Variants in ADAM18 observed in about 807,000 individuals in gnomAD.
ADAM18 encodes the protein disintegrin and metalloproteinase domain-containing protein 18.
In ADAM18, 117 loss-of-function variants were observed where a neutral mutation model predicts 94.4. The observed-to-expected ratio is 1.24, with a 90% CI of 1.07 to 1.45. ADAM18 has a LOEUF of 1.45. ADAM18 is among the 40% of genes most tolerant of loss of function. The pLI is 0.00. For missense variants in ADAM18, 936 were observed against 880.0 expected, an observed-to-expected ratio of 1.06 and a Z score of -0.81; for synonymous variants, 327 against 291.6, an observed-to-expected ratio of 1.12 and a Z score of -1.24.
At chr8:39,655,320 T>C (rs1261288030) in intron 12 of ADAM18, among the ~76,000 whole-genome samples, 1 of 152,172 alleles carries the variant, frequency 6.6e-6, no homozygotes, top group Non-Finnish European at 1.5e-5. Context: ...GATATATCCA[T>C]ATTTCTCATG....
At chr8:39,647,234 C>A (rs866768375) in intron 11 of ADAM18, among the ~76,000 whole-genome samples, 195 of 130,016 alleles carry the variant, frequency 1.5e-3, no homozygotes, top group East Asian at 2.7e-3. Flanking sequence ...AGAAAGTCAG[C>A]AAAAAAAAAA....
chr8:39,702,735 T>C (rs1822121454), intron 17 of ADAM18, among the ~76,000 whole-genome samples: 1 of 152,212 alleles, frequency 6.6e-6, no homozygotes, highest in South Asian at 2.1e-4. Flanking sequence ...ATTTGTTGAA[T>C]AGAGTATCCA....
At chr8:39,589,883 A>T (rs1442300832) in intron 2 of ADAM18, among the ~76,000 whole-genome samples, 5 of 151,216 alleles carry the variant, frequency 3.3e-5, no homozygotes, top group Admixed American at 6.6e-5. Flanking sequence ...AACCACAATG[A>T]GATACCATCT....
At chr8:39,676,503 A>C (rs1365847627) in intron 14 of ADAM18, among the ~76,000 whole-genome samples, 1 of 152,218 alleles carries the variant, frequency 6.6e-6, no homozygotes, top group Non-Finnish European at 1.5e-5. Context: ...CCTTGGGAAA[A>C]GTGCAATATT....
intron 12 of ADAM18, among the ~76,000 whole-genome samples, chr8:39,652,534 T>C (rs2129579724): frequency 6.6e-6 from 1 of 152,192 alleles, no homozygotes; most frequent in East Asian, 1.9e-4. Flanking sequence ...TCAAAATAGA[T>C]GAATGGTAAC....
intron 7 of ADAM18, among the ~76,000 whole-genome samples, chr8:39,636,561 T>C (rs923653577): frequency 1.3e-5 from 2 of 152,168 alleles, no homozygotes; most frequent in African/African-American, 4.8e-5. Flanking sequence ...CCTTTTATTC[T>C]TTTTAAAAGT....
chr8:39,679,847 T>C (rs1179576787), intron 15 of ADAM18, among the ~76,000 whole-genome samples, 190 bp from the exon 16 acceptor site: 1 of 152,208 alleles, frequency 6.6e-6, no homozygotes, highest in East Asian at 1.9e-4. Context: ...GAGTTAAGCA[T>C]ATACATTTCA....
intron 19 of ADAM18, among the ~76,000 whole-genome samples, chr8:39,727,520 A>G (rs1484649128): frequency 6.6e-6 from 1 of 152,208 alleles, no homozygotes; most frequent in Non-Finnish European, 1.5e-5. Context: ...CTATATGGTC[A>G]TCTTTAGTTC....
At chr8:39,634,387 A>G (rs1258320012) in intron 7 of ADAM18, among the ~76,000 whole-genome samples, 1 of 152,194 alleles carries the variant, frequency 6.6e-6, no homozygotes, top group Admixed American at 6.5e-5. Context: ...CCCCAGAACT[A>G]TAGAGCCACC....
In ADAM18 at chr8:39,672,029, C is replaced by G. The variant is rs982227388; in HGVS notation, c.1525+3833C>G. Reference sequence around the variant, plus strand: ...ACATACTGGCATGGATCCTAGAAGACAGTAAAATCTTTCTACTAGGATGGC... The same window carrying G: ...ACATACTGGCATGGATCCTAGAAGAGAGTAAAATCTTTCTACTAGGATGGC... On this transcript the variant is annotated intron_variant, in intron 14 of 19. Coordinates refer to ENST00000265707, the MANE Select transcript of ADAM18 (RefSeq NM_014237.3). Among the ~76,000 whole-genome samples, 8 of 151,944 alleles carry G rather than the reference C, an allele frequency of 5.3e-5. No homozygotes were observed. In the East Asian group the frequency reaches 1.6e-3, roughly 30 times the overall value.
intron 6 of ADAM18, among the ~76,000 whole-genome samples, chr8:39,621,481 G>A (rs1819612168): frequency 6.6e-6 from 1 of 151,370 alleles, no homozygotes; most frequent in African/African-American, 2.4e-5. Context: ...TTATTTTTAA[G>A]TATAAAATAT....
At chr8:39,684,831 G>A (rs1317617764) in intron 16 of ADAM18, among the ~76,000 whole-genome samples, 2 of 152,130 alleles carry the variant, frequency 1.3e-5, no homozygotes, top group Admixed American at 1.3e-4. Context: ...TTTCAGGCCT[G>A]GTAGTTAAAA....
intron 12 of ADAM18, among the ~76,000 whole-genome samples, chr8:39,659,522 A>G (rs1390160565): frequency 6.6e-6 from 1 of 152,164 alleles, no homozygotes; most frequent in Non-Finnish European, 1.5e-5. Flanking sequence ...TGAACTTAAT[A>G]TAATCAATGA....
chr8:39,633,830 T>TAAAAAAA (rs77940675), intron 7 of ADAM18, among the ~76,000 whole-genome samples: 1 of 96,216 alleles, frequency 1.0e-5, no homozygotes, highest in Non-Finnish European at 2.1e-5. Flanking sequence ...CCTTGCCCTG[T>TAAAAAAA]AAAAAAAAAA....
intron 6 of ADAM18, among the ~76,000 whole-genome samples, chr8:39,622,386 A>ACC (rs1398058261): frequency 6.6e-6 from 1 of 151,214 alleles, no homozygotes; most frequent in Non-Finnish European, 1.5e-5. Flanking sequence ...TGTGTTAACC[A>ACC]TAAAATGCAA....
At chr8:39,715,716 C>T (rs1167119975) in intron 18 of ADAM18, among the ~76,000 whole-genome samples, 2 of 151,974 alleles carry the variant, frequency 1.3e-5, no homozygotes, top group East Asian at 1.9e-4. Context: ...ATTCATTGAA[C>T]AACACAATAA....
intron 12 of ADAM18, among the ~76,000 whole-genome samples, chr8:39,653,647 G>C (rs953065878): frequency 2.6e-5 from 4 of 152,060 alleles, no homozygotes; most frequent in Non-Finnish European, 4.4e-5. Context: ...ACTTCTTCGA[G>C]GATAAAATAA....
intron 12 of ADAM18, among the ~76,000 whole-genome samples, 197 bp from the exon 13 acceptor site, chr8:39,663,598 C>CAAAA (rs10597769): frequency 7.0e-3 from 136 of 19,534 alleles, no homozygotes; most frequent in African/African-American, 0.014. Context: ...AATCCTGTCT[C>CAAAA]AAAAAAAAAA....
At chr8:39,707,217 G>T (rs1383396759) in intron 18 of ADAM18, among the ~76,000 whole-genome samples, 1 of 152,164 alleles carries the variant, frequency 6.6e-6, no homozygotes, top group Non-Finnish European at 1.5e-5. Flanking sequence ...CATTACTGAA[G>T]GTTCTACTGG....
Sources: gnomAD v4.1 joint callset for allele counts (sites outside exome capture counted in the v4.1 genomes callset) on GRCh38, gnomAD v4.1.1 for gene constraint, MANE v1.5 for transcripts, NCBI Gene and HGNC (gene_info 2026-07-23, HGNC 2026-07-21) for gene names.